KEL: variants seen among roughly 807,000 people sequenced by gnomAD.
KEL encodes Kell metallo-endopeptidase (Kell blood group), also known as kell blood group glycoprotein.
Under a neutral mutation model 99.5 loss-of-function variants are expected in KEL, and 96 were observed. The observed-to-expected ratio is 0.97, with a 90% confidence interval of 0.82 to 1.14. The LOEUF (loss-of-function observed/expected upper bound fraction) is 1.14. KEL is among the 50% of genes most tolerant of loss of function. The pLI is 0.00. For missense variants in KEL, 926 were observed against 924.2 expected, an observed-to-expected ratio of 1.00 and a Z score of -0.03; for synonymous variants, 355 against 354.8, an observed-to-expected ratio of 1.00 and a Z score of -0.01.
intron 6 of KEL, among the ~76,000 whole-genome samples, chr7:142,955,118 C>G (rs1796796853): frequency 6.6e-6 from 1 of 152,202 alleles, no homozygotes; most frequent in South Asian, 2.1e-4. Flanking sequence ...TGAACCTCTA[C>G]TGCTTCAGGA....
chr7:142,943,144 G>T (rs1796413242), intron 16 of KEL, 100 bp from the exon 17 acceptor site: 1 of 1,558,080 alleles, frequency 6.4e-7, no homozygotes. Flanking sequence ...TCAGCTCCCA[G>T]GAGCATGGCA....
In KEL at chr7:142,961,096, CA is replaced by C. The variant is rs1796945340; in HGVS notation, c.231del (p.Cys77TrpfsTer112). ...YNFQNCGPRP[C>X]ETSVCLDLRD... ...CGGAGATCCAAACACACAGATGTCT[CA>C]CAGGGGCCTGTGGGGAAAAGCTCAG... On this transcript the variant is annotated frameshift_variant, in exon 4 of 19. Coordinates refer to ENST00000355265, the MANE Select transcript of KEL (RefSeq NM_000420.3). LOFTEE classifies it high-confidence loss of function. 1 of 1,613,612 alleles carries C rather than the reference CA, an allele frequency of 6.2e-7. No homozygotes were observed. Among genetic ancestry groups the C allele is most frequent in the African/African-American group, 1.3e-5 (1 of 74,900 alleles).
rs1796347619 is a variant in KEL at position 142,941,341 on chromosome 7, G to T, written c.2110C>A (p.Pro704Thr). ...GCAAAGGCTGGGGTGCTGCTGAGGG[G>T]CCCGTGGACTCGGAGGTGTGGAGGG... The part of the protein sequence containing the change: ...HSPPHLRVHG[P>T]LSSTPAFARY... Residue 704 changes from proline to threonine, a missense_variant, in exon 19 of 19, where the codon CCC becomes ACC. Transcript: ENST00000355265. The T allele has an allele frequency of 1.2e-6, 2 of 1,613,726 alleles. No individual in the cohort carries two copies. Among genetic ancestry groups the T allele is most frequent in the Non-Finnish European group, 8.5e-7 (1 of 1,179,690 alleles).
chr7:142,952,802 G>T (rs1796722984), intron 9 of KEL, among the ~76,000 whole-genome samples, 164 bp from the exon 10 acceptor site: 1 of 152,212 alleles, frequency 6.6e-6, no homozygotes, highest in Non-Finnish European at 1.5e-5. Flanking sequence ...AGCTTTTCAT[G>T]ATGTAGGTTG....
At position 142,953,870 on chromosome 7, in the gene KEL, G is replaced by A; in HGVS notation, c.1011C>T (p.Val337=). ...MSLSPSQSLV[V]HDVEYLKNMS... The stretch of plus-strand genomic sequence containing the variant: ...TGTTTTTCAAATATTCCACGTCATG[G>A]ACCACGAGGGACTGAGAAGGGCTCA... The change falls in exon 9 of 19, where the codon GTC becomes GTT. Residue 337 remains valine, a synonymous_variant. Transcript: ENST00000355265. The A allele has an allele frequency of 6.2e-7, 1 of 1,614,128 alleles. No homozygotes were observed. Among genetic ancestry groups the A allele is most frequent in the Non-Finnish European group, 8.5e-7 (1 of 1,180,036 alleles).
At chr7:142,961,596 G>A (rs191312352) in intron 2 of KEL, 95 bp from the exon 3 acceptor site, 50 of 1,426,718 alleles carry the variant, frequency 3.5e-5, no homozygotes, top group Non-Finnish European at 4.9e-5. Flanking sequence ...TGGTGCTACA[G>A]TCCCTTTATA....
In KEL at chr7:142,953,891, G is replaced by C; in HGVS notation, c.990C>G (p.Ser330Arg). Residue 330 changes from serine to arginine, a missense_variant, in exon 9 of 19, where the codon AGC (serine) becomes AGG (arginine). Ser to Arg is a moderately radical substitution (Grantham distance 110). Transcript: ENST00000355265. Reference sequence around the variant, plus strand: ...CATGGACCACGAGGGACTGAGAAGGGCTCAGGGACATCGGTGTGAATGTCG... The same window carrying C: ...CATGGACCACGAGGGACTGAGAAGGCCTCAGGGACATCGGTGTGAATGTCG... Reference protein sequence around the residue: ...LQATFTPMSLSPSQSLVVHDV... With the variant: ...LQATFTPMSLRPSQSLVVHDV... 6.2e-7 allele frequency: 1 copy of C among 1,614,178 alleles called. No individual in the cohort carries two copies. The highest frequency in any genetic ancestry group is 1.1e-5 in the South Asian group (1 of 91,082).
In KEL at chr7:142,953,907, G is replaced by C. The variant is rs761304758; in HGVS notation, c.974C>G (p.Thr325Arg). The C allele has an allele frequency of 2.5e-6, 4 of 1,614,162 alleles. No individual in the cohort carries two copies. Among genetic ancestry groups the C allele is most frequent in the Non-Finnish European group, 3.4e-6 (4 of 1,180,002 alleles). ...DWLSCLQATF[T>R]PMSLSPSQSL... ...CTGAGAAGGGCTCAGGGACATCGGT[G>C]TGAATGTCGCTTGCAAGCAGGACAA... Residue 325 changes from threonine (T) to arginine (R), a missense_variant, in exon 9 of 19, where the codon ACA becomes AGA. Transcript: ENST00000355265.
At chr7:142,944,866 G>A (rs1033882496) in intron 11 of KEL, 125 bp from the exon 12 acceptor site, 6 of 747,110 alleles carry the variant, frequency 8.0e-6, no homozygotes, top group Non-Finnish European at 1.2e-5. Flanking sequence ...TGGAGCTGCT[G>A]CTAGAGGAGC....
intron 11 of KEL, 151 bp from the exon 12 acceptor site, chr7:142,944,892 A>AT: frequency 1.4e-6 from 1 of 697,926 alleles, no homozygotes; most frequent in East Asian, 2.7e-5. Context: ...AACTAAAGCA[A>AT]CTAAAGGATC....
At chr7:142,954,005 G>T (rs1796759248) in intron 8 of KEL, 49 bp from the exon 9 acceptor site, 1 of 1,608,062 alleles carries the variant, frequency 6.2e-7, no homozygotes, top group East Asian at 2.2e-5. Flanking sequence ...AGAGAAGGAA[G>T]GGGAAAGGGC....
chr7:142,944,400 C>G lies in KEL; in HGVS notation c.1414G>C (p.Val472Leu). 1 of 1,612,164 alleles carries G rather than the reference C, an allele frequency of 6.2e-7. No homozygotes were observed. Among genetic ancestry groups the G allele is most frequent in the South Asian group, 1.1e-5 (1 of 91,048 alleles). Residue 472 changes from valine (V) to leucine (L), a missense_variant and splice_region_variant, in exon 13 of 19, where the codon GTT becomes CTT. Val to Leu is a conservative substitution (Grantham distance 32, BLOSUM62 1). Coordinates refer to ENST00000355265, the MANE Select transcript of KEL (RefSeq NM_000420.3). ...CCCATCTCCACCTGCAGTTGAGCAA[C>G]CTGGAGAGAGACACAGAAGAGGCTA... ...EETQNMAQDK[V>L]AQLQVEMGAS... is the part of the protein sequence containing the mutation.
chr7:142,945,293 G>A (rs182336590), intron 11 of KEL, among the ~76,000 whole-genome samples: 197 of 152,256 alleles, frequency 1.3e-3, no homozygotes, highest in Non-Finnish European at 1.8e-3. Flanking sequence ...AGGCAATATC[G>A]AGAGCCTGGG....
rs1285076636 is a variant in KEL, at chr7:142,961,797, C to T, written c.79G>A (p.Glu27Lys). 1 of 1,613,910 alleles carries T rather than the reference C, an allele frequency of 6.2e-7. No homozygotes were observed. Among genetic ancestry groups the T allele is most frequent in the Middle Eastern group, 1.7e-4 (1 of 6,060 alleles). Residue 27 changes from glutamate to lysine, a missense_variant and splice_region_variant, in exon 2 of 19, where the codon GAG (glutamate) becomes AAG (lysine). Coordinates refer to ENST00000355265, the MANE Select transcript of KEL (RefSeq NM_000420.3). ...AGGMGTLWSQ[E>K]STPEERLPVE... The stretch of plus-strand genomic sequence containing the variant: ...ACCCAGGAGAGGAGGCCACTTACCT[C>T]TTGGCTCCAGAGAGTTCCCATTCCA...
At position 142,942,423 on chromosome 7, in the gene KEL, C is replaced by T. The variant is rs973601828; in HGVS notation, c.2037+11G>A. 7 of 1,560,152 alleles carry T rather than the reference C, an allele frequency of 4.5e-6. No individual in the cohort carries two copies. Among genetic ancestry groups the T allele is most frequent in the Non-Finnish European group, 6.1e-6 (7 of 1,149,058 alleles). On this transcript the variant is annotated intron_variant, in intron 18 of 18. Coordinates refer to ENST00000355265, the MANE Select transcript of KEL (RefSeq NM_000420.3). ...TAAAGCAAGCTGTGGCGGGAGGTGG[C>T]CGCTGCCTACCTGGGCATAGCTTCG...
intron 18 of KEL, among the ~76,000 whole-genome samples, chr7:142,941,815 T>C (rs1562955736): frequency 6.6e-6 from 1 of 151,628 alleles, no homozygotes; most frequent in Non-Finnish European, 1.5e-5. Flanking sequence ...CAGGCTTTTT[T>C]TTTTTTTTTG....
chr7:142,942,501 T>C lies in KEL; in HGVS notation c.1970A>G (p.His657Arg). Reference sequence around the variant, plus strand: ...CAGGCTGGGCAGGACAGTCTCCCCATGGTGCCGTAACAGCCTCTTGCTGTA... The same window carrying C: ...CAGGCTGGGCAGGACAGTCTCCCCACGGTGCCGTAACAGCCTCTTGCTGTA... ...QAYSKRLLRH[H>R]GETVLPSLDL... is the part of the protein sequence containing the mutation. Residue 657 changes from histidine (H) to arginine (R), a missense_variant, in exon 18 of 19, where the codon CAT becomes CGT. Transcript: ENST00000355265. The C allele has an allele frequency of 6.2e-7, 1 of 1,610,150 alleles. No homozygotes were observed. The highest frequency in any genetic ancestry group is 1.3e-5 in the African/African-American group (1 of 74,982).
chr7:142,950,267 G>A (rs1168617784), intron 10 of KEL, among the ~76,000 whole-genome samples: 1 of 152,164 alleles, frequency 6.6e-6, no homozygotes, highest in Non-Finnish European at 1.5e-5. Context: ...ACCAGACCTT[G>A]TATGGTTCTC....
intron 9 of KEL, chr7:142,953,452 A>G: frequency 1.1e-6 from 1 of 905,732 alleles, no homozygotes; most frequent in Non-Finnish European, 1.3e-6. Context: ...AAAAAGACAT[A>G]CATACACTTA....
Sources: allele counts gnomAD v4.1 joint callset (sites outside exome capture counted in the v4.1 genomes callset), GRCh38; gene constraint gnomAD v4.1.1; transcripts MANE v1.5; gene names NCBI Gene and HGNC (gene_info 2026-07-23, HGNC 2026-07-21).